The following CFAP54 variants were observed in gnomAD, a reference collection of about 807,000 sequenced individuals.
The protein encoded by CFAP54 is cilia and flagella associated protein 54.
Under a neutral mutation model 370.4 loss-of-function variants are expected in CFAP54, and 290 were observed. The observed-to-expected ratio is 0.78, with a 90% CI of 0.71 to 0.86. CFAP54 has a LOEUF of 0.86. Ranked by LOEUF, CFAP54 falls within the 40% of genes least tolerant of loss-of-function variation. The probability of loss-of-function intolerance (pLI) is 0.00; values close to 1 mark genes in which losing one functional copy is unlikely to be tolerated. For synonymous variants in CFAP54, 1,206 were observed against 1,236.5 expected (o/e 0.98, Z 0.52); for missense variants, 3,399 against 3,528.7 (o/e 0.96, Z 0.93).
At position 96,693,723 on chromosome 12, in the gene CFAP54, T is replaced by C. The variant is rs770708606; in HGVS notation, c.6266T>C (p.Val2089Ala). ...CAAAGAGTGTTTTTCTCCTGATAGG[T>C]TCTGCCTCTCCTTGCATTGTATCAA... ...ELHFVRQNLIVLPLLALYQYF... is the reference protein window; with the variant it reads ...ELHFVRQNLIALPLLALYQYF... The change falls in exon 45 of 68, where the codon GTT becomes GCT. Residue 2089 changes from valine (V) to alanine (A), a missense_variant and splice_region_variant. Coordinates refer to ENST00000524981, the MANE Select transcript of CFAP54 (RefSeq NM_001306084.2). The C allele has an allele frequency of 9.5e-6, 15 of 1,571,204 alleles. No homozygotes were observed. In the South Asian group the frequency reaches 1.7e-4, roughly 18 times the overall value.
intron 36 of CFAP54, among the ~76,000 whole-genome samples, chr12:96,654,832 A>T (rs1284895959): frequency 3.8e-5 from 5 of 132,064 alleles, no homozygotes; most frequent in Admixed American, 7.9e-5. Flanking sequence ...ATTTCACTTA[A>T]TTTTTTTTTT....
intron 17 of CFAP54, among the ~76,000 whole-genome samples, chr12:96,557,872 A>G (rs775400256): frequency 3.3e-5 from 5 of 152,118 alleles, no homozygotes; most frequent in Non-Finnish European, 5.9e-5. Flanking sequence ...TTTATCATAT[A>G]AGGAAAACTA....
At chr12:96,505,598 G>T (rs1955091120) in intron 3 of CFAP54, among the ~76,000 whole-genome samples, 1 of 151,278 alleles carries the variant, frequency 6.6e-6, no homozygotes, top group Non-Finnish European at 1.5e-5. Context: ...CGCCTCCTGG[G>T]CCCAAGTGAT....
intron 33 of CFAP54, chr12:96,647,070 T>G (rs1956802560): frequency 6.6e-6 from 1 of 152,040 alleles, no homozygotes; most frequent in African/African-American, 2.4e-5. Context: ...ACCTGCACAT[T>G]GTGCACATGT....
chr12:96,586,870 G>C (rs953782609), intron 22 of CFAP54, among the ~76,000 whole-genome samples: 2 of 152,302 alleles, frequency 1.3e-5, no homozygotes, highest in East Asian at 1.9e-4. Flanking sequence ...AGAACGTAAG[G>C]GGGTAGAGTG....
At chr12:96,518,905 C>T in intron 5 of CFAP54, 23 bp from the exon 6 acceptor site, 1 of 1,503,878 alleles carries the variant, frequency 6.6e-7, no homozygotes, top group African/African-American at 1.4e-5. Context: ...AAAACAAATC[C>T]AATGGTGCCC....
At chr12:96,701,417 T>C (rs539969913) in intron 46 of CFAP54, among the ~76,000 whole-genome samples, 22 of 152,232 alleles carry the variant, frequency 1.4e-4, no homozygotes, top group African/African-American at 5.3e-4. Flanking sequence ...GGCATGGAGA[T>C]AGAGCAGTAG....
At chr12:96,788,229 T>A (rs1217933977) in intron 62 of CFAP54, among the ~76,000 whole-genome samples, 1 of 152,198 alleles carries the variant, frequency 6.6e-6, no homozygotes, top group Non-Finnish European at 1.5e-5. Flanking sequence ...TTGTACCATT[T>A]GGAACTTCTG....
intron 60 of CFAP54, among the ~76,000 whole-genome samples, chr12:96,766,148 A>G (rs1266756669): frequency 6.6e-6 from 1 of 152,160 alleles, no homozygotes; most frequent in Non-Finnish European, 1.5e-5. Flanking sequence ...ACTCTGCTGC[A>G]TTGTTGGGTC....
intron 50 of CFAP54, among the ~76,000 whole-genome samples, chr12:96,737,678 C>T (rs761843323): frequency 2.0e-5 from 3 of 151,804 alleles, no homozygotes; most frequent in Admixed American, 6.6e-5. Context: ...TTAGTAGAGA[C>T]GGGGTTTCAC....
intron 19 of CFAP54, among the ~76,000 whole-genome samples, chr12:96,572,227 G>T (rs768039450): frequency 2.0e-5 from 3 of 152,092 alleles, no homozygotes; most frequent in Non-Finnish European, 4.4e-5. Flanking sequence ...CAAGTACAGA[G>T]GTAACATATT....
At chr12:96,748,793 T>G (rs2136650514) in intron 55 of CFAP54, among the ~76,000 whole-genome samples, 1 of 152,334 alleles carries the variant, frequency 6.6e-6, no homozygotes, top group Non-Finnish European at 1.5e-5. Context: ...TTTGTCTCTG[T>G]AGCTCAGGAA....
In CFAP54 at chr12:96,661,213, T is replaced by C. The variant is rs148759080; in HGVS notation, c.5461-2617T>C. On this transcript the variant is annotated intron_variant, in intron 38 of 67. Transcript: ENST00000524981. ...AAAGTTCTTATCCTGCCGTGGTCTT[T>C]CTGGTGAGCAGCCCCTATCCTGAAG... Among the ~76,000 whole-genome samples, 77 of 152,308 alleles carry C rather than the reference T, an allele frequency of 5.1e-4. 1 individual carries two copies. The East Asian group carries it at 0.014, about 27-fold the overall frequency.
At chr12:96,560,386 T>C (rs1355208679) in intron 17 of CFAP54, among the ~76,000 whole-genome samples, 1 of 152,168 alleles carries the variant, frequency 6.6e-6, no homozygotes, top group East Asian at 1.9e-4. Flanking sequence ...CTATTATGCA[T>C]CTAATTTTCA....
At chr12:96,696,320 C>T (rs1957439788) in intron 45 of CFAP54, among the ~76,000 whole-genome samples, 1 of 152,052 alleles carries the variant, frequency 6.6e-6, no homozygotes, top group Non-Finnish European at 1.5e-5. Flanking sequence ...GAGGTGGAGC[C>T]ATGAGAGAAA....
At position 96,554,676 on chromosome 12, in the gene CFAP54, C is replaced by T. The variant is rs770274295; in HGVS notation, c.2284C>T (p.Arg762Cys). The change falls in exon 17 of 68, where the codon CGT becomes TGT. Residue 762 changes from arginine (R) to cysteine (C), a missense_variant and splice_region_variant. Around this residue, in one of 3 missense-constraint regions of CFAP54, gnomAD observed 2,796 missense variants for 2,869.7 expected, o/e 0.97. Transcript: ENST00000524981. ...SSVIDHCYAK[R>C]THHIDGDTYK... is the part of the protein sequence containing the mutation. The stretch of plus-strand genomic sequence containing the variant: ...TTATTTCAACTCTGTTGGACCAAAG[C>T]GTACCCACCATATAGATGGAGATAC... 7.2e-6 allele frequency: 11 copies of T among 1,529,044 alleles called. 1 individual carries two copies. In the South Asian group the frequency reaches 9.7e-5, roughly 13 times the overall value. 94.7% of individuals were successfully genotyped at this position (1,529,044 alleles called of 1,614,324 possible).
At chr12:96,657,251 A>G (rs1037882154) in intron 36 of CFAP54, among the ~76,000 whole-genome samples, 1 of 152,212 alleles carries the variant, frequency 6.6e-6, no homozygotes, top group Non-Finnish European at 1.5e-5. Context: ...AACTCATAGG[A>G]CATGCACACT....
rs545584110 is a variant in CFAP54, at chr12:96,779,089, A to G, written c.8282-5628A>G. ...GCCATCGCACTCCAGCCTGGGCAAC[A>G]CGAGTGAATCTCCATCTCAAAAAAA... On this transcript the variant is annotated intron_variant, in intron 60 of 67. Transcript: ENST00000524981. 3.4e-4 allele frequency among the ~76,000 whole-genome samples: 50 copies of G among 147,102 alleles called. 2 individuals are homozygous for G. The South Asian group carries it at 1.0e-2, about 29-fold the overall frequency.
chr12:96,591,762 G>A (rs1194418815), intron 23 of CFAP54, among the ~76,000 whole-genome samples: 1 of 148,996 alleles, frequency 6.7e-6, no homozygotes, highest in Non-Finnish European at 1.5e-5. Flanking sequence ...ATGGTGGCGC[G>A]TGCCTGTAGT....
Sources: gnomAD v4.1 joint callset for allele counts (sites outside exome capture counted in the v4.1 genomes callset) on GRCh38, gnomAD v4.1.1 for gene constraint, gnomAD v4.1.1 regional missense constraint, MANE v1.5 for transcripts, NCBI Gene and HGNC (gene_info 2026-07-23, HGNC 2026-07-21) for gene names.